AGBL3: variants seen among roughly 807,000 people sequenced by gnomAD.
The protein encoded by AGBL3 is cytosolic carboxypeptidase 3.
A neutral mutation model predicts 94.5 loss-of-function variants in AGBL3; 68 were observed. That is an observed-to-expected ratio of 0.72 (90% CI 0.59 to 0.88). The LOEUF (loss-of-function observed/expected upper bound fraction) is 0.88. Ranked by LOEUF, AGBL3 falls within the 40% of genes least tolerant of loss-of-function variation. AGBL3 has a pLI of 0.00. For synonymous variants in AGBL3, 354 were observed against 370.7 expected, an observed-to-expected ratio of 0.95 and a Z score of 0.52; for missense variants, 934 against 1,103.8, an observed-to-expected ratio of 0.85 and a Z score of 2.18.
intron 9 of AGBL3, 100 bp downstream of exon 9, chr7:135,044,251 A>G (rs920676360): frequency 8.8e-7 from 1 of 1,133,616 alleles, no homozygotes; most frequent in African/African-American, 1.6e-5. Context: ...CTTTCTTCCT[A>G]TTTAAATAAT....
intron 5 of AGBL3, among the ~76,000 whole-genome samples, chr7:135,017,557 G>A (rs530014327): frequency 6.6e-5 from 10 of 152,046 alleles, no homozygotes; most frequent in East Asian, 5.8e-4. Flanking sequence ...ATTTCTTGGC[G>A]TTATAATCTT....
At chr7:135,008,516 T>C (rs1399767990) in intron 4 of AGBL3, among the ~76,000 whole-genome samples, 4 of 151,940 alleles carry the variant, frequency 2.6e-5, no homozygotes, top group Non-Finnish European at 5.9e-5. Flanking sequence ...ACTAACAGCC[T>C]GAACTATAAA....
At chr7:135,038,537 A>G (rs566911655) in intron 8 of AGBL3, among the ~76,000 whole-genome samples, 1 of 152,248 alleles carries the variant, frequency 6.6e-6, no homozygotes, top group Non-Finnish European at 1.5e-5. Flanking sequence ...TGTGCCTTAG[A>G]TGAAATGGAC....
chr7:135,128,952 G>A, intron 16 of AGBL3: 1 of 1,573,628 alleles, frequency 6.4e-7, no homozygotes, highest in South Asian at 1.1e-5. Flanking sequence ...TAAGAAGCTG[G>A]GTAGTGAATG....
At chr7:135,006,124 C>T (rs1234967920) in intron 4 of AGBL3, among the ~76,000 whole-genome samples, 2 of 151,746 alleles carry the variant, frequency 1.3e-5, no homozygotes, top group Non-Finnish European at 3.0e-5. Flanking sequence ...TTGCAAAAGA[C>T]CCTGTTAAGC....
At chr7:135,062,873 A>G (rs1287975118) in intron 12 of AGBL3, among the ~76,000 whole-genome samples, 1 of 152,144 alleles carries the variant, frequency 6.6e-6, no homozygotes, top group Non-Finnish European at 1.5e-5. Context: ...TGCTGGCTTC[A>G]TTAAATGAAT....
intron 5 of AGBL3, among the ~76,000 whole-genome samples, chr7:135,030,185 A>G (rs953608891): frequency 7.2e-5 from 11 of 151,940 alleles, no homozygotes; most frequent in Admixed American, 2.0e-4. Flanking sequence ...AAGAAAGAAA[A>G]AAAACAGTAT....
chr7:135,026,428 C>T (rs1045564473), intron 5 of AGBL3, among the ~76,000 whole-genome samples: 6 of 151,000 alleles, frequency 4.0e-5, no homozygotes, highest in Non-Finnish European at 7.4e-5. Flanking sequence ...GCGTGCGCTA[C>T]CACACCTGCC....
chr7:135,080,862 G>A (rs1460877200), intron 14 of AGBL3, among the ~76,000 whole-genome samples: 1 of 143,950 alleles, frequency 6.9e-6, no homozygotes, highest in African/African-American at 2.5e-5. Flanking sequence ...TTTTTTATGT[G>A]TGTGTGTATA....
chr7:135,057,640 C>T (rs2116674263), intron 11 of AGBL3, among the ~76,000 whole-genome samples: 1 of 152,232 alleles, frequency 6.6e-6, no homozygotes, highest in African/African-American at 2.4e-5. Context: ...GTTTACAAAG[C>T]TAAGCATAGT....
intron 8 of AGBL3, among the ~76,000 whole-genome samples, chr7:135,041,856 A>T (rs1276182327): frequency 6.6e-6 from 1 of 152,218 alleles, no homozygotes; most frequent in African/African-American, 2.4e-5. Flanking sequence ...CCAATTAAAA[A>T]TGGCAATAAT....
chr7:135,069,409 C>G (rs1819670151), intron 12 of AGBL3, among the ~76,000 whole-genome samples: 1 of 152,216 alleles, frequency 6.6e-6, no homozygotes, highest in Admixed American at 6.5e-5. Context: ...CACCCCAAAT[C>G]AACAGAATAT....
At chr7:134,990,856 T>C (rs530727157) in intron 3 of AGBL3, among the ~76,000 whole-genome samples, 2 of 152,328 alleles carry the variant, frequency 1.3e-5, no homozygotes, top group East Asian at 3.9e-4. Context: ...CATTTGTTGA[T>C]TGCCTTTTGC....
rs1211398689 is a variant in AGBL3 at position 135,049,975 on chromosome 7, C to T, written c.1841+4064C>T. Among the ~76,000 whole-genome samples the T allele has an allele frequency of 6.6e-5, 10 of 151,710 alleles. No homozygotes were observed. The East Asian group carries it at 1.7e-3, about 26-fold the overall frequency. On this transcript the variant is annotated intron_variant, in intron 11 of 16. Transcript: ENST00000436302. ...CTTAGTTTGTTCTTTTCTATCTCCT[C>T]GAGGTATAAAATTAGGTCTTTTTTG...
chr7:135,004,060 G>A lies in AGBL3; in HGVS notation c.310+10382G>A, dbSNP rs563503842. ...TGTTTTCTCATTAAGCAAATTATTG[G>A]CTTCTGGTTTAAAATAAATTTTTTT... On this transcript the variant is annotated intron_variant, in intron 4 of 16. Coordinates refer to ENST00000436302, the MANE Select transcript of AGBL3 (RefSeq NM_178563.4). 2.6e-5 allele frequency among the ~76,000 whole-genome samples: 4 copies of A among 151,432 alleles called. No homozygotes were observed. In the South Asian group the frequency reaches 8.3e-4, roughly 31 times the overall value.
chr7:135,087,272 CA>C (rs1442789898), intron 15 of AGBL3, among the ~76,000 whole-genome samples: 1 of 150,404 alleles, frequency 6.6e-6, no homozygotes, highest in African/African-American at 2.4e-5. Flanking sequence ...TTTTATCTTT[CA>C]AAAAAAACCA....
intron 4 of AGBL3, among the ~76,000 whole-genome samples, chr7:135,009,485 T>C (rs1362247218): frequency 5.4e-5 from 1 of 18,486 alleles, no homozygotes; most frequent in African/African-American, 6.0e-5. Flanking sequence ...TGTGGTAGTG[T>C]TGGGATTTTT....
chr7:135,026,176 T>TA (rs1402276875), intron 5 of AGBL3, among the ~76,000 whole-genome samples: 4 of 150,270 alleles, frequency 2.7e-5, no homozygotes, highest in African/African-American at 4.9e-5. Flanking sequence ...CTCAATAAAT[T>TA]AAAAAAAATT....
At chr7:135,065,492 T>C (rs984302990) in intron 12 of AGBL3, among the ~76,000 whole-genome samples, 5 of 152,132 alleles carry the variant, frequency 3.3e-5, no homozygotes, top group Non-Finnish European at 7.4e-5. Context: ...CACAGCACAA[T>C]GGAGCAAAAT....
Sources: allele counts gnomAD v4.1 joint callset (sites outside exome capture counted in the v4.1 genomes callset), GRCh38; gene constraint gnomAD v4.1.1; transcripts MANE v1.5; gene names NCBI Gene and HGNC (gene_info 2026-07-23, HGNC 2026-07-21).